ERN1: variants seen among roughly 807,000 people sequenced by gnomAD.
ERN1 encodes the protein serine/threonine-protein kinase/endoribonuclease IRE1.
In ERN1, 39 loss-of-function variants were observed where a neutral mutation model predicts 113.1. That is an observed-to-expected ratio of 0.34 (90% confidence interval 0.27 to 0.45). The LOEUF (loss-of-function observed/expected upper bound fraction) is 0.45. ERN1 is among the 20% of genes least tolerant of loss of function. ERN1 has a pLI of 1.00. For missense variants in ERN1, 976 were observed against 1,274.8 expected (o/e 0.77, Z 3.57); for synonymous variants, 507 against 515.9 (o/e 0.98, Z 0.23).
chr17:64,079,862 A>G (rs1056544727), intron 3 of ERN1, 128 bp from the exon 4 acceptor site: 7 of 666,666 alleles, frequency 1.0e-5, no homozygotes, highest in Non-Finnish European at 1.9e-5. Flanking sequence ...TGTATAAGTG[A>G]GTATATAAGA....
At chr17:64,094,099 C>T (rs1914163344) in intron 2 of ERN1, among the ~76,000 whole-genome samples, 2 of 152,230 alleles carry the variant, frequency 1.3e-5, no homozygotes, top group Admixed American at 6.5e-5. Context: ...TTATCCGAGG[C>T]TATAGCCTGT....
intron 7 of ERN1, chr17:64,067,862 G>A (rs952017787): frequency 1.2e-4 from 26 of 216,500 alleles, no homozygotes; most frequent in Non-Finnish European, 2.1e-4. Context: ...TGACAGGGTT[G>A]TTAATGTCCT....
At position 64,039,534 on chromosome 17, in the gene ERN1, CTT is replaced by C. The variant is rs1473987499; in HGVS notation, c.*4452_*4453del. 1 of 152,172 alleles carries C rather than the reference CTT, an allele frequency of 6.6e-6. No homozygotes were observed. Among genetic ancestry groups the C allele is most frequent in the Admixed American group, 6.5e-5 (1 of 15,270 alleles). The allele number at this position is 152,172 out of a possible 1,614,324, so 9.4% of individuals were successfully genotyped here. ...CATCCCATGGAAGGATACAGTATCA[CTT>C]TTCCAGTTTTAAAATGGTCAAGGGT... On this transcript the variant is annotated 3_prime_UTR_variant, in exon 22 of 22. Transcript: ENST00000433197.
chr17:64,075,282 A>C, intron 4 of ERN1, 35 bp from the exon 5 acceptor site: 1 of 1,462,002 alleles, frequency 6.8e-7, no homozygotes, highest in Non-Finnish European at 9.1e-7. Flanking sequence ...AAAAAAGTTA[A>C]CCAAGTCTTG....
intron 1 of ERN1, among the ~76,000 whole-genome samples, chr17:64,104,002 G>T (rs1168111953): frequency 6.6e-6 from 1 of 152,002 alleles, no homozygotes; most frequent in African/African-American, 2.4e-5. Flanking sequence ...ACTTTGGGAG[G>T]CCCAGGCAGG....
rs1483774244 is a variant in ERN1 at position 64,049,286 on chromosome 17, T to C, written c.2254-84A>G. The C allele has an allele frequency of 2.9e-6, 4 of 1,377,408 alleles. No individual in the cohort carries two copies. The highest frequency in any genetic ancestry group is 2.9e-6 in the Non-Finnish European group (3 of 1,023,702). The allele number at this position is 1,377,408 out of a possible 1,614,324, so 85.3% of individuals were successfully genotyped here. A position where few individuals can be genotyped will look rare whatever the true frequency, so the allele number is the denominator to read the frequency against. ...GTCAGGGAGGGAGGAGCATTGCTGCTGCTTCTGCCACCTAGAAGGTGTCCT... is the reference window on the plus strand; with the variant it reads ...GTCAGGGAGGGAGGAGCATTGCTGCCGCTTCTGCCACCTAGAAGGTGTCCT... On this transcript the variant is annotated intron_variant, in intron 17 of 21. Transcript: ENST00000433197. The surrounding 1 kb of genome is among the most constrained non-coding windows in gnomAD (Gnocchi z 4.7).
chr17:64,085,432 T>G (rs1322568143), intron 2 of ERN1, among the ~76,000 whole-genome samples: 6 of 151,978 alleles, frequency 3.9e-5, no homozygotes, highest in Non-Finnish European at 8.8e-5. Flanking sequence ...TCACAGGAAT[T>G]AATAGGGTGA....
Position 64,130,015 on chromosome 17 carries a change from C to T in ERN1, c.15G>A (p.Arg5=), listed in dbSNP as rs1567893023. The T allele has an allele frequency of 1.4e-6, 2 of 1,435,348 alleles. No individual in the cohort carries two copies. Among genetic ancestry groups the T allele is most frequent in the South Asian group, 2.8e-5 (2 of 71,034 alleles). 88.9% of individuals were successfully genotyped at this position (1,435,348 alleles called of 1,614,324 possible). ...GCAGCAGCGTCAGCAGCAGCAGCAG[C>T]CGCCGGGCCGGCATGGCGAGGACTC... MPAR[R]LLLLLTLLLP... is the part of the protein sequence containing the mutation. Residue 5 remains arginine, a synonymous_variant, in exon 1 of 22, where the codon CGG becomes CGA. Coordinates refer to ENST00000433197, the MANE Select transcript of ERN1 (RefSeq NM_001433.5). The surrounding 1 kb of genome is among the most constrained non-coding windows in gnomAD (Gnocchi z 4.0).
At chr17:64,103,289 G>C (rs1328589436) in intron 1 of ERN1, among the ~76,000 whole-genome samples, 1 of 152,054 alleles carries the variant, frequency 6.6e-6, no homozygotes, top group East Asian at 1.9e-4. Context: ...TTGAGGTCAG[G>C]AATTCAAGAC....
intron 17 of ERN1, among the ~76,000 whole-genome samples, chr17:64,051,577 G>A (rs1259494785): frequency 1.3e-5 from 2 of 152,168 alleles, no homozygotes; most frequent in Admixed American, 6.5e-5. Flanking sequence ...AATGTTCAAC[G>A]CTGTCATGAG....
At chr17:64,065,389 A>G (rs1037188571) in intron 8 of ERN1, 102 bp from the exon 9 acceptor site, 9 of 799,062 alleles carry the variant, frequency 1.1e-5, no homozygotes, top group African/African-American at 1.7e-5. Flanking sequence ...GGATGACCAC[A>G]TTAACCCCCC....
chr17:64,127,712 C>A (rs1187727003), intron 1 of ERN1, among the ~76,000 whole-genome samples: 2 of 150,560 alleles, frequency 1.3e-5, no homozygotes, highest in Admixed American at 6.6e-5. Context: ...TGAGACCACA[C>A]CATTGCACTC....
chr17:64,085,251 G>A (rs2003093), intron 2 of ERN1, among the ~76,000 whole-genome samples: 63,701 of 152,022 alleles, frequency 0.42, 17,970 homozygotes, highest in African/African-American at 0.81. Flanking sequence ...TTTGGCTCAC[G>A]TTTCTGCAGG....
Position 64,107,425 on chromosome 17 carries a change from G to A in ERN1, c.55-9184C>T, listed in dbSNP as rs1027082581. ...CAGCCTCGACCTCCTGGGCTCAAGC[G>A]ATTCTCCCACCTCAGCCTCCCGAGT... On this transcript the variant is annotated intron_variant, in intron 1 of 21. Coordinates refer to ENST00000433197, the MANE Select transcript of ERN1 (RefSeq NM_001433.5). Among the ~76,000 whole-genome samples the A allele has an allele frequency of 1.4e-4, 21 of 151,894 alleles. No individual in the cohort carries two copies. In the South Asian group the frequency reaches 2.7e-3, roughly 20 times the overall value.
At chr17:64,091,453 G>C (rs1914086659) in intron 2 of ERN1, among the ~76,000 whole-genome samples, 1 of 152,222 alleles carries the variant, frequency 6.6e-6, no homozygotes. Context: ...TGGCTGCCCA[G>C]AGCCCCAGTA....
chr17:64,044,050 G>T lies in ERN1; in HGVS notation c.2872C>A (p.Gln958Lys). 1 of 1,613,718 alleles carries T rather than the reference G, an allele frequency of 6.2e-7. No individual in the cohort carries two copies. Among genetic ancestry groups the T allele is most frequent in the Non-Finnish European group, 8.5e-7 (1 of 1,179,798 alleles). ...GGGGGCTCGTGGAAGTAGTAGGGCT[G>T]GAAGAGTCTCTCGTGGCTGCACAGC... ...MELCSHERLF[Q>K]PYYFHEPPEP... Residue 958 changes from glutamine to lysine, a missense_variant, in exon 22 of 22, where the codon CAG becomes AAG. Around this residue, in one of 5 missense-constraint regions of ERN1, gnomAD observed 92 missense variants for 87.3 expected, o/e 1.05. Transcript: ENST00000433197. This position sits in a 1 kb window ranked among gnomAD's most constrained non-coding sequence, Gnocchi z 4.1.
Position 64,063,796 on chromosome 17 carries a change from C to T in ERN1, c.1087+190G>A, listed in dbSNP as rs1433889226. On this transcript the variant is annotated intron_variant, in intron 10 of 21. Transcript: ENST00000433197. The surrounding 1 kb of genome is among the most constrained non-coding windows in gnomAD (Gnocchi z 5.1). ...ACATTAAACAGTTTTCAAAAACTGA[C>T]TCAGAAACACAGCTACCTTGTTGAT... Among the ~76,000 whole-genome samples, 1 of 152,158 alleles carries T rather than the reference C, an allele frequency of 6.6e-6. No homozygotes were observed. The highest frequency in any genetic ancestry group is 1.5e-5 in the Non-Finnish European group (1 of 68,040).
intron 2 of ERN1, among the ~76,000 whole-genome samples, chr17:64,097,152 T>C (rs1438421355): frequency 6.6e-6 from 1 of 152,222 alleles, no homozygotes; most frequent in Non-Finnish European, 1.5e-5. Context: ...TTTGGGCTGC[T>C]TAAAGTTCCT....
chr17:64,056,123 G>A (rs1021866707), intron 12 of ERN1, among the ~76,000 whole-genome samples, 175 bp from the exon 13 acceptor site: 5 of 152,192 alleles, frequency 3.3e-5, no homozygotes, highest in South Asian at 2.1e-4. Flanking sequence ...ATGACTGGAC[G>A]TCTTTCCACC....
Sources: gnomAD v4.1 joint callset for allele counts (sites outside exome capture counted in the v4.1 genomes callset) on GRCh38, gnomAD v4.1.1 for gene constraint, gnomAD v4.1.1 regional missense constraint, Gnocchi (gnomAD v3.1) non-coding constraint, MANE v1.5 for transcripts, NCBI Gene and HGNC (gene_info 2026-07-23, HGNC 2026-07-21) for gene names.